ASRGL1: variants seen among roughly 807,000 people sequenced by gnomAD.
ASRGL1 encodes the protein asparaginase and isoaspartyl peptidase 1, also known as isoaspartyl peptidase/L-asparaginase.
A neutral mutation model predicts 22.4 loss-of-function variants in ASRGL1; 16 were observed. The ratio of observed to expected loss-of-function variants is 0.71; its 90% CI spans 0.48 to 1.08. The LOEUF is 1.08. ASRGL1 is among the 50% of genes least tolerant of loss of function. ASRGL1 has a pLI of 0.00. For synonymous variants in ASRGL1, 165 were observed against 159.3 expected, an observed-to-expected ratio of 1.04 and a Z score of -0.27; for missense variants, 412 against 410.1, an observed-to-expected ratio of 1.00 and a Z score of -0.04.
intron 4 of ASRGL1, among the ~76,000 whole-genome samples, chr11:62,367,618 T>C (rs185270865): frequency 7.5e-4 from 113 of 151,532 alleles, no homozygotes; most frequent in East Asian, 7.4e-3. Flanking sequence ...CACTCCAGCC[T>C]GGGCAACAAG....
chr11:62,384,872 C>T (rs1436685330), intron 4 of ASRGL1, among the ~76,000 whole-genome samples: 28 of 133,246 alleles, frequency 2.1e-4, no homozygotes, highest in Non-Finnish European at 1.4e-4. Context: ...GAGCCGAGAT[C>T]ACACGACTGC....
At chr11:62,372,904 G>A in intron 4 of ASRGL1, 1 of 1,586,986 alleles carries the variant, frequency 6.3e-7, no homozygotes, top group Non-Finnish European at 8.6e-7. Context: ...TGGAGAATCT[G>A]GAGCCTGGCT....
chr11:62,380,996 G>C (rs1281990888), intron 4 of ASRGL1, among the ~76,000 whole-genome samples: 1 of 152,158 alleles, frequency 6.6e-6, no homozygotes, highest in African/African-American at 2.4e-5. Flanking sequence ...TGTGGTGCTG[G>C]AAACACTCCT....
intron 4 of ASRGL1, chr11:62,372,791 C>G: frequency 1.3e-6 from 2 of 1,578,476 alleles, no homozygotes; most frequent in Non-Finnish European, 8.7e-7. Flanking sequence ...GTTACACCTG[C>G]TCCTTTGCCG....
intron 2 of ASRGL1, among the ~76,000 whole-genome samples, chr11:62,355,118 A>G (rs559925633): frequency 5.3e-5 from 8 of 151,912 alleles, no homozygotes; most frequent in Non-Finnish European, 1.0e-4. Flanking sequence ...GGGTTTCACC[A>G]TGTTGGCCAA....
At chr11:62,341,761 T>C (rs1945868663) in intron 2 of ASRGL1, among the ~76,000 whole-genome samples, 1 of 152,206 alleles carries the variant, frequency 6.6e-6, no homozygotes, top group East Asian at 1.9e-4. Context: ...CAGAGACATA[T>C]AGTCATGTAA....
intron 4 of ASRGL1, chr11:62,381,673 A>T (rs1947071196): frequency 6.6e-6 from 1 of 152,030 alleles, no homozygotes; most frequent in African/African-American, 2.4e-5. Flanking sequence ...GAATTGTTCT[A>T]CTGTTTGAAA....
downstream of ASRGL1, among the ~76,000 whole-genome samples, chr11:62,395,406 C>G (rs1310419895): frequency 2.6e-5 from 4 of 152,042 alleles, no homozygotes; most frequent in Non-Finnish European, 5.9e-5. Flanking sequence ...GCCAAGTGTC[C>G]CCAAGCAGGA....
rs116084309 is a variant in ASRGL1, at chr11:62,340,717, G to A, written c.190+2550G>A. Among the ~76,000 whole-genome samples, 675 of 152,294 alleles carry A rather than the reference G, an allele frequency of 4.4e-3. 10 individuals carry two copies. The highest frequency in any genetic ancestry group is 0.016 in the African/African-American group (649 of 41,550). The stretch of plus-strand genomic sequence containing the variant: ...AAAGAGGGAAAGCAAAGATTATGGG[G>A]GGAAAGGTGGGACTTTTAACAGCGT... On this transcript the variant is annotated intron_variant, in intron 2 of 6. Coordinates refer to ENST00000415229, the MANE Select transcript of ASRGL1 (RefSeq NM_001083926.2).
chr11:62,384,399 G>A (rs1947153657), intron 4 of ASRGL1, among the ~76,000 whole-genome samples: 1 of 152,002 alleles, frequency 6.6e-6, no homozygotes, highest in Admixed American at 6.6e-5. Flanking sequence ...CAGCTGTTTG[G>A]GAGGCTGAAG....
At chr11:62,359,616 C>T (rs545931779) in intron 4 of ASRGL1, among the ~76,000 whole-genome samples, 3 of 152,246 alleles carry the variant, frequency 2.0e-5, no homozygotes, top group African/African-American at 7.2e-5. Context: ...AGGACAGCCA[C>T]ATTTAGCTAG....
At chr11:62,339,338 T>C (rs951518730) in intron 2 of ASRGL1, among the ~76,000 whole-genome samples, 1 of 152,206 alleles carries the variant, frequency 6.6e-6, no homozygotes, top group African/African-American at 2.4e-5. Flanking sequence ...ATGTTAGTGC[T>C]GGTCAGCTGG....
Position 62,357,161 on chromosome 11 carries a change from G to T in ASRGL1, c.491+17G>T. 1.2e-6 allele frequency: 2 copies of T among 1,608,588 alleles called. No homozygotes were observed. Among genetic ancestry groups the T allele is most frequent in the South Asian group, 2.2e-5 (2 of 90,524 alleles). ...TTGTCAAAAGTAAGTCTTACCTGTGGCTCGCATTATTTGGGAGTTATTAAA... is the reference window on the plus strand; with the variant it reads ...TTGTCAAAAGTAAGTCTTACCTGTGTCTCGCATTATTTGGGAGTTATTAAA... On this transcript the variant is annotated intron_variant, in intron 4 of 6. Coordinates refer to ENST00000415229, the MANE Select transcript of ASRGL1 (RefSeq NM_001083926.2).
At chr11:62,341,035 T>G (rs1945849967) in intron 2 of ASRGL1, among the ~76,000 whole-genome samples, 1 of 152,198 alleles carries the variant, frequency 6.6e-6, no homozygotes, top group Non-Finnish European at 1.5e-5. Flanking sequence ...AAGACTGAAC[T>G]TTTAAATTTG....
intron 4 of ASRGL1, chr11:62,371,313 C>G (rs571411374): frequency 2.9e-6 from 4 of 1,365,826 alleles, no homozygotes; most frequent in Admixed American, 2.6e-5. Context: ...GCCTGGAGCT[C>G]GACGGGGCCC....
At chr11:62,394,306 TA>T (rs1457126396), downstream of ASRGL1, among the ~76,000 whole-genome samples, 3 of 143,740 alleles carry the variant, frequency 2.1e-5, no homozygotes, top group South Asian at 6.3e-4. Context: ...ATATATTATA[TA>T]AAAATATATG....
At chr11:62,358,747 G>T (rs1016605811) in intron 4 of ASRGL1, among the ~76,000 whole-genome samples, 1 of 152,168 alleles carries the variant, frequency 6.6e-6, no homozygotes, top group Non-Finnish European at 1.5e-5. Flanking sequence ...CAGCCATCAA[G>T]GAAATCTCCA....
intron 4 of ASRGL1, among the ~76,000 whole-genome samples, chr11:62,362,723 A>ATATATTATATAT (rs1332636990): frequency 9.9e-5 from 7 of 70,572 alleles, no homozygotes; most frequent in African/African-American, 2.9e-4. Context: ...ATTATATGTT[A>ATATATTATATAT]TATATAAAAT....
intron 4 of ASRGL1, among the ~76,000 whole-genome samples, chr11:62,380,990 G>C (rs529138192): frequency 6.6e-6 from 1 of 152,158 alleles, no homozygotes; most frequent in Admixed American, 6.5e-5. Context: ...CTGCCCTGTG[G>C]TGCTGGAAAC....
Sources: allele counts gnomAD v4.1 joint callset (sites outside exome capture counted in the v4.1 genomes callset), GRCh38; gene constraint gnomAD v4.1.1; transcripts MANE v1.5; gene names NCBI Gene and HGNC (gene_info 2026-07-23, HGNC 2026-07-21).